Variants in KCTD20 observed in about 807,000 individuals in gnomAD.
The protein encoded by KCTD20 is BTB/POZ domain-containing protein KCTD20.
KCTD20 carries 30 observed loss-of-function variants against 39.6 expected under a neutral mutation model. The ratio of observed to expected loss-of-function variants is 0.76; its 90% CI spans 0.57 to 1.03. The LOEUF is 1.03. KCTD20 is among the 50% of genes least tolerant of loss of function. The probability of loss-of-function intolerance (pLI) is 0.00; values close to 1 mark genes in which losing one functional copy is unlikely to be tolerated. For synonymous variants in KCTD20, 162 were observed against 180.6 expected (o/e 0.90, Z 0.83); for missense variants, 422 against 522.0 (o/e 0.81, Z 1.87).
At chr6:36,472,505 A>C (rs985052102) in intron 2 of KCTD20, among the ~76,000 whole-genome samples, 1 of 152,140 alleles carries the variant, frequency 6.6e-6, no homozygotes, top group African/African-American at 2.4e-5. Flanking sequence ...TTTTATAAAC[A>C]AGAGGAATGG....
intron 6 of KCTD20, among the ~76,000 whole-genome samples, chr6:36,483,257 CTTTTTCTTT>C (rs1776312090): frequency 2.4e-5 from 3 of 123,734 alleles, no homozygotes; most frequent in African/African-American, 6.8e-5. Context: ...AAAACAGTGG[CTTTTTCTTT>C]TTTTTTTTTT....
At chr6:36,473,046 C>T (rs562409354) in intron 2 of KCTD20, among the ~76,000 whole-genome samples, 1 of 151,252 alleles carries the variant, frequency 6.6e-6, no homozygotes, top group Admixed American at 6.6e-5. Flanking sequence ...ATTACAGGCA[C>T]CCACCACCAC....
chr6:36,481,814 G>A, intron 6 of KCTD20, 55 bp downstream of exon 6: 2 of 1,460,964 alleles, frequency 1.4e-6, no homozygotes, highest in Middle Eastern at 2.0e-4. Context: ...GCTACCTGGA[G>A]TAGCAGCTTG....
chr6:36,470,216 G>C lies in KCTD20; in HGVS notation c.119G>C (p.Gly40Ala). 1.9e-6 allele frequency: 3 copies of C among 1,614,050 alleles called. No homozygotes were observed. Among genetic ancestry groups the C allele is most frequent in the Non-Finnish European group, 2.5e-6 (3 of 1,179,940 alleles). The part of the protein sequence containing the change: ...EKEANSLASS[G>A]PHNLTYPLGP... ...GAAGCAAACAGCCTGGCTTCATCTG[G>C]TCCTCATAATCTTACTTATCCTCTA... The change falls in exon 2 of 8, where the codon GGT becomes GCT. Residue 40 changes from glycine to alanine, a missense_variant. Coordinates refer to ENST00000373731, the MANE Select transcript of KCTD20 (RefSeq NM_173562.5).
At chr6:36,482,782 T>C (rs1032511658) in intron 6 of KCTD20, among the ~76,000 whole-genome samples, 2 of 151,540 alleles carry the variant, frequency 1.3e-5, no homozygotes, top group African/African-American at 4.9e-5. Flanking sequence ...CCCATCTCTA[T>C]TAAAAATACA....
chr6:36,474,804 A>T lies in KCTD20; in HGVS notation c.176A>T (p.Tyr59Phe). The T allele has an allele frequency of 6.2e-7, 1 of 1,610,054 alleles. No individual in the cohort carries two copies. The highest frequency in any genetic ancestry group is 8.5e-7 in the Non-Finnish European group (1 of 1,177,220). The change falls in exon 3 of 8, where the codon TAT becomes TTT. Residue 59 changes from tyrosine to phenylalanine, a missense_variant. By Grantham distance (22) the Tyr-to-Phe change is conservative. Coordinates refer to ENST00000373731, the MANE Select transcript of KCTD20 (RefSeq NM_173562.5). ...GTTCTTTTAGACCTCTCACTTGACT[A>T]TGCCTCTCAGCCAGCAAATCTTCAG... The part of the protein sequence containing the change: ...GPRNEDLSLD[Y>F]ASQPANLQFP...
In KCTD20 at chr6:36,470,694, A is replaced by T. The variant is rs796981043; in HGVS notation, c.160+437A>T. ...TTGGCTCACTGCAGCTCTGCCTCCCAGGCTCAAGTGAGCCTCTCACCTCAG... is the reference window on the plus strand; with the variant it reads ...TTGGCTCACTGCAGCTCTGCCTCCCTGGCTCAAGTGAGCCTCTCACCTCAG... On this transcript the variant is annotated intron_variant, in intron 2 of 7. Coordinates refer to ENST00000373731, the MANE Select transcript of KCTD20 (RefSeq NM_173562.5). Among the ~76,000 whole-genome samples, 2 of 152,010 alleles carry T rather than the reference A, an allele frequency of 1.3e-5. 1 individual carries two copies. Among genetic ancestry groups the T allele is most frequent in the Non-Finnish European group, 2.9e-5 (2 of 68,014 alleles).
At chr6:36,482,283 G>A (rs1045335200) in intron 6 of KCTD20, among the ~76,000 whole-genome samples, 1 of 152,220 alleles carries the variant, frequency 6.6e-6, no homozygotes, top group African/African-American at 2.4e-5. Flanking sequence ...GCCGGGCGCG[G>A]TAGCTCATGC....
intron 2 of KCTD20, among the ~76,000 whole-genome samples, chr6:36,471,796 T>TG (rs1775916614): frequency 6.6e-6 from 1 of 152,080 alleles, no homozygotes; most frequent in African/African-American, 2.4e-5. Flanking sequence ...GCTTCATTAT[T>TG]GGGGAGAAAT....
intron 1 of KCTD20, among the ~76,000 whole-genome samples, chr6:36,462,172 C>A (rs968398287): frequency 6.6e-6 from 1 of 152,118 alleles, no homozygotes; most frequent in South Asian, 2.1e-4. Context: ...ATTTTCATAA[C>A]CCTTGTGGAG....
intron 1 of KCTD20, chr6:36,465,515 T>C (rs1420089154): frequency 2.1e-5 from 2 of 93,984 alleles, no homozygotes; most frequent in Admixed American, 1.4e-4. Context: ...AATAAGAAAA[T>C]ATATAAATTT....
chr6:36,481,483 A>C, intron 5 of KCTD20, 79 bp from the exon 6 acceptor site: 8 of 994,226 alleles, frequency 8.0e-6, no homozygotes, highest in South Asian at 1.3e-5. Flanking sequence ...GATAACAGCC[A>C]TTCCCTCATA....
At position 36,463,053 on chromosome 6, in the gene KCTD20, G is replaced by T. The variant is rs138758886; in HGVS notation, c.-46-6999G>T. Among the ~76,000 whole-genome samples the T allele has an allele frequency of 6.3e-3, 963 of 152,258 alleles. 12 individuals carry two copies. The highest frequency in any genetic ancestry group is 0.022 in the African/African-American group (925 of 41,542). Reference sequence around the variant, plus strand: ...CAGCTCCTTAGATGATGATGTGCATGGTCTTCCCTGGAATTGTATGATATG... The same window carrying T: ...CAGCTCCTTAGATGATGATGTGCATTGTCTTCCCTGGAATTGTATGATATG... On this transcript the variant is annotated intron_variant, in intron 1 of 7. Coordinates refer to ENST00000373731, the MANE Select transcript of KCTD20 (RefSeq NM_173562.5).
chr6:36,466,545 C>G (rs1775760363), intron 1 of KCTD20, among the ~76,000 whole-genome samples: 2 of 151,938 alleles, frequency 1.3e-5, no homozygotes, highest in African/African-American at 2.4e-5. Context: ...CCATGTCTGG[C>G]TAATTTTTAA....
intron 2 of KCTD20, 48 bp from the exon 3 acceptor site, chr6:36,474,741 A>T: frequency 6.8e-7 from 1 of 1,477,256 alleles, no homozygotes; most frequent in African/African-American, 1.4e-5. Context: ...TTTTTCTCTC[A>T]AGGCTTTTGC....
chr6:36,446,894 C>T (rs1472645849), intron 1 of KCTD20, among the ~76,000 whole-genome samples: 2 of 152,106 alleles, frequency 1.3e-5, no homozygotes, highest in African/African-American at 4.8e-5. Flanking sequence ...AATTAGTATA[C>T]GTTCTATACC....
At chr6:36,479,895 G>C (rs1015211959) in intron 5 of KCTD20, among the ~76,000 whole-genome samples, 184 bp downstream of exon 5, 1 of 144,438 alleles carries the variant, frequency 6.9e-6, no homozygotes, top group African/African-American at 2.6e-5. Context: ...GGGTTCAAGG[G>C]ATTTTCCCTG....
intron 1 of KCTD20, among the ~76,000 whole-genome samples, chr6:36,456,600 T>C (rs1026558159): frequency 7.8e-6 from 1 of 128,146 alleles, no homozygotes; most frequent in Non-Finnish European, 1.6e-5. Flanking sequence ...TTTTTTTTTT[T>C]TTTAAGAGCT....
chr6:36,473,422 A>G (rs1775969312), intron 2 of KCTD20, among the ~76,000 whole-genome samples: 2 of 152,194 alleles, frequency 1.3e-5, no homozygotes, highest in Middle Eastern at 3.2e-3. Context: ...CCTGTGAGGT[A>G]TATGGAGTGA....
Sources: gnomAD v4.1 joint callset for allele counts (sites outside exome capture counted in the v4.1 genomes callset) on GRCh38, gnomAD v4.1.1 for gene constraint, MANE v1.5 for transcripts, NCBI Gene and HGNC (gene_info 2026-07-23, HGNC 2026-07-21) for gene names.